KLHL14: variants seen among roughly 807,000 people sequenced by gnomAD.
KLHL14 encodes kelch like family member 14, also known as kelch-like protein 14.
A neutral mutation model predicts 64.3 loss-of-function variants in KLHL14; 22 were observed. The ratio of observed to expected loss-of-function variants is 0.34; its 90% CI spans 0.24 to 0.49. The LOEUF is 0.49. Ranked by LOEUF, KLHL14 falls within the 20% of genes least tolerant of loss-of-function variation. The probability of loss-of-function intolerance (pLI) is 0.99; values close to 1 mark genes in which losing one functional copy is unlikely to be tolerated. For missense variants in KLHL14, 661 were observed against 789.0 expected, an observed-to-expected ratio of 0.84 and a Z score of 1.94; for synonymous variants, 322 against 333.4, an observed-to-expected ratio of 0.97 and a Z score of 0.37.
chr18:32,772,129 G>T (rs1188448057), intron 1 of KLHL14: 4 of 262,350 alleles, frequency 1.5e-5, no homozygotes, highest in Non-Finnish European at 3.0e-5. Context: ...CGCCCGCCCG[G>T]GGGAGAGCCG....
At chr18:32,687,882 G>A (rs924233992) in intron 4 of KLHL14, among the ~76,000 whole-genome samples, 1 of 152,132 alleles carries the variant, frequency 6.6e-6, no homozygotes, top group African/African-American at 2.4e-5. Context: ...GAGCCTGACT[G>A]GGAAAGTTAG....
At chr18:32,758,390 C>T (rs1261923892) in intron 2 of KLHL14, among the ~76,000 whole-genome samples, 7 of 152,144 alleles carry the variant, frequency 4.6e-5, no homozygotes, top group South Asian at 2.1e-4. Context: ...TACTACTTCA[C>T]GTCTATTAAG....
rs539551505 is a variant in KLHL14 at position 32,769,805 on chromosome 18, G to T, written c.787C>A (p.Arg263Ser). 5 of 1,611,762 alleles carry T rather than the reference G, an allele frequency of 3.1e-6. No individual in the cohort carries two copies. Among genetic ancestry groups the T allele is most frequent in the Non-Finnish European group, 4.2e-6 (5 of 1,178,562 alleles). ...RMQYAPDLMK[R>S]LRFALIPAPE... The stretch of plus-strand genomic sequence containing the variant: ...GCCGGGATGAGGGCGAAGCGGAGGC[G>T]CTTCATGAGGTCAGGCGCATACTGC... Residue 263 changes from arginine to serine, a missense_variant, in exon 2 of 9, where the codon CGC (arginine) becomes AGC (serine). Arg to Ser is a moderately radical substitution (Grantham distance 110). Transcript: ENST00000359358.
intron 3 of KLHL14, among the ~76,000 whole-genome samples, chr18:32,705,257 C>T (rs1166362297): frequency 6.6e-6 from 1 of 152,164 alleles, no homozygotes; most frequent in African/African-American, 2.4e-5. Context: ...TACATAGCTT[C>T]AAATAGCTAG....
intron 3 of KLHL14, among the ~76,000 whole-genome samples, chr18:32,701,253 A>T (rs2049965001): frequency 6.6e-6 from 1 of 152,200 alleles, no homozygotes; most frequent in Non-Finnish European, 1.5e-5. Context: ...GGCAGACAAT[A>T]TCCCTGCTCT....
intron 2 of KLHL14, among the ~76,000 whole-genome samples, chr18:32,768,986 C>T (rs1018073322): frequency 1.3e-5 from 2 of 152,192 alleles, no homozygotes; most frequent in Non-Finnish European, 2.9e-5. Context: ...GCTTTACTCT[C>T]CTTTAAAAGT....
At chr18:32,719,175 C>T (rs9965787) in intron 3 of KLHL14, among the ~76,000 whole-genome samples, 44,508 of 152,070 alleles carry the variant, frequency 0.29, 6,768 homozygotes, top group African/African-American at 0.36. Flanking sequence ...CTCAAACTCC[C>T]GACCTCAGGT....
chr18:32,673,662 G>T lies in KLHL14; in HGVS notation c.*995C>A, dbSNP rs952306055. On this transcript the variant is annotated 3_prime_UTR_variant, in exon 9 of 9. Transcript: ENST00000359358. ...GCTATAATTGGCTCCTGTGGCTCTT[G>T]TAAGTTCTGTGTTTTAGAAACAGAA... is the stretch of plus-strand genomic sequence containing the variant. 1 of 152,172 alleles carries T rather than the reference G, an allele frequency of 6.6e-6. No individual in the cohort carries two copies. 9.4% of individuals were successfully genotyped at this position (152,172 alleles called of 1,614,324 possible).
In KLHL14 at chr18:32,687,159, C is replaced by T; in HGVS notation, c.1234G>A (p.Glu412Lys). ...NSWIQLPPMQ[E>K]RRASFYACRL... ...GTGCAAGAAATAAACACTTACCTTT[C>T]CTGCATGGGTGGAAGTTGAATCCAG... Residue 412 changes from glutamate (E) to lysine (K), a missense_variant, in exon 5 of 9, where the codon GAA (glutamate) becomes AAA (lysine). By Grantham distance (56) the Glu-to-Lys change is moderately conservative. Transcript: ENST00000359358. The T allele has an allele frequency of 1.2e-6, 2 of 1,613,140 alleles. No individual in the cohort carries two copies. Among genetic ancestry groups the T allele is most frequent in the African/African-American group, 1.3e-5 (1 of 74,994 alleles).
Position 32,772,913 on chromosome 18 carries a change from A to T in KLHL14, c.-290T>A, listed in dbSNP as rs1448354149. 6.1e-6 allele frequency: 1 copy of T among 163,948 alleles called. No individual in the cohort carries two copies. The highest frequency in any genetic ancestry group is 1.3e-5 in the Non-Finnish European group (1 of 74,784). 10.2% of individuals were successfully genotyped at this position (163,948 alleles called of 1,614,324 possible). A position where few individuals can be genotyped will look rare whatever the true frequency, so the allele number is the denominator to read the frequency against. ...AGAGAGGGAGAGAGAGAGGGAGCAG[A>T]GCTTTCTGCAAGAGAAGAAGAAGAA... is the stretch of plus-strand genomic sequence containing the variant. On this transcript the variant is annotated 5_prime_UTR_variant, in exon 1 of 9. Coordinates refer to ENST00000359358, the MANE Select transcript of KLHL14 (RefSeq NM_020805.3).
chr18:32,737,989 A>G (rs943647073), intron 3 of KLHL14: 1 of 152,198 alleles, frequency 6.6e-6, no homozygotes, highest in African/African-American at 2.4e-5. Flanking sequence ...TCTATATTTT[A>G]AAGTCCCTCT....
At chr18:32,738,571 C>G (rs934971575) in intron 3 of KLHL14, 1 of 152,062 alleles carries the variant, frequency 6.6e-6, no homozygotes, top group African/African-American at 2.4e-5. Context: ...TGTTATTTCT[C>G]AATATTTTTC....
At chr18:32,746,564 C>A (rs2144535062) in intron 2 of KLHL14, among the ~76,000 whole-genome samples, 1 of 152,212 alleles carries the variant, frequency 6.6e-6, no homozygotes, top group Middle Eastern at 3.4e-3. Context: ...GGGAAACAGG[C>A]CAGATAAAGT....
intron 8 of KLHL14, among the ~76,000 whole-genome samples, chr18:32,676,548 TA>T (rs1318173873): frequency 1.6e-4 from 25 of 152,306 alleles, no homozygotes; most frequent in Admixed American, 5.2e-4. Flanking sequence ...TAATGATTTT[TA>T]AAAGGTAAAT....
intron 3 of KLHL14, among the ~76,000 whole-genome samples, chr18:32,725,366 G>A (rs1380928803): frequency 1.3e-5 from 2 of 152,162 alleles, no homozygotes; most frequent in African/African-American, 4.8e-5. Flanking sequence ...TTTTGCATAT[G>A]GAGTAATCAA....
At chr18:32,771,757 T>G (rs1598584777) in intron 1 of KLHL14, among the ~76,000 whole-genome samples, 1 of 137,060 alleles carries the variant, frequency 7.3e-6, no homozygotes, top group South Asian at 2.2e-4. Flanking sequence ...AAGTTCAAGT[T>G]AGAAGGCAGG....
intron 3 of KLHL14, among the ~76,000 whole-genome samples, chr18:32,727,441 A>AT (rs1010561776): frequency 5.1e-4 from 78 of 152,294 alleles, no homozygotes; most frequent in African/African-American, 1.8e-3. Flanking sequence ...ACCATCATGG[A>AT]TTGTCTTTGG....
chr18:32,677,089 T>G (rs1395525753), intron 8 of KLHL14, 84 bp downstream of exon 8: 5 of 1,371,592 alleles, frequency 3.6e-6, no homozygotes, highest in South Asian at 1.3e-5. Flanking sequence ...AAGGTACATG[T>G]GTGGAGGATA....
At chr18:32,704,071 G>A (rs765045359) in intron 3 of KLHL14, among the ~76,000 whole-genome samples, 2 of 152,054 alleles carry the variant, frequency 1.3e-5, no homozygotes, top group Non-Finnish European at 2.9e-5. Flanking sequence ...AGCCCAAAAG[G>A]CTCATGTCAA....
Sources: allele counts gnomAD v4.1 joint callset (sites outside exome capture counted in the v4.1 genomes callset), GRCh38; gene constraint gnomAD v4.1.1; transcripts MANE v1.5; gene names NCBI Gene and HGNC (gene_info 2026-07-23, HGNC 2026-07-21).